Variants in NRXN3 observed in about 807,000 individuals in gnomAD.
The protein encoded by NRXN3 is neurexin III.
Under a neutral mutation model 137.6 loss-of-function variants are expected in NRXN3, and 32 were observed. The observed-to-expected ratio is 0.23, with a 90% confidence interval of 0.18 to 0.31. The LOEUF (loss-of-function observed/expected upper bound fraction) is 0.31. Among genes scored for constraint, NRXN3 ranks in the 10% least tolerant of loss-of-function variants. The pLI, the probability that NRXN3 is intolerant of heterozygous loss-of-function variation, is 1.00. For synonymous variants in NRXN3, 798 were observed against 784.5 expected, an observed-to-expected ratio of 1.02 and a Z score of -0.29; for missense variants, 1,574 against 2,062.5, an observed-to-expected ratio of 0.76 and a Z score of 4.59.
chr14:78,654,765 C>T (rs773562443), intron 6 of NRXN3, among the ~76,000 whole-genome samples: 1 of 152,128 alleles, frequency 6.6e-6, no homozygotes, highest in African/African-American at 2.4e-5. Context: ...CTTGTTGTAT[C>T]CCCAGCTCCT....
chr14:79,774,367 T>A (rs773510678), intron 19 of NRXN3, among the ~76,000 whole-genome samples: 1 of 152,208 alleles, frequency 6.6e-6, no homozygotes, highest in African/African-American at 2.4e-5. Flanking sequence ...TCCAGCACTC[T>A]GCCAGGCTTA....
intron 6 of NRXN3, among the ~76,000 whole-genome samples, chr14:78,699,052 G>A (rs568135705): frequency 1.3e-5 from 2 of 152,104 alleles, no homozygotes; most frequent in South Asian, 4.2e-4. Context: ...GGCATTGAGA[G>A]ATACAGAGAG....
chr14:79,612,129 A>G (rs1248870140), intron 16 of NRXN3, among the ~76,000 whole-genome samples: 1 of 152,232 alleles, frequency 6.6e-6, no homozygotes, highest in Admixed American at 6.5e-5. Flanking sequence ...GTCAATGCCT[A>G]GTAAATTATA....
intron 15 of NRXN3, among the ~76,000 whole-genome samples, chr14:79,012,990 G>A (rs1254847190): frequency 1.3e-5 from 2 of 152,180 alleles, no homozygotes. Flanking sequence ...CTAACTCTGA[G>A]TCCTGCATTC....
At chr14:78,263,875 G>C (rs1361207718) in intron 2 of NRXN3, among the ~76,000 whole-genome samples, 1 of 5,174 alleles carries the variant, frequency 1.9e-4, no homozygotes, top group East Asian at 0.014. Flanking sequence ...GTTCTATTTT[G>C]TGTGTGTGTG....
At chr14:78,622,743 A>T (rs991410397) in intron 4 of NRXN3, among the ~76,000 whole-genome samples, 1 of 152,248 alleles carries the variant, frequency 6.6e-6, no homozygotes, top group African/African-American at 2.4e-5. Flanking sequence ...ACACAAAACC[A>T]TTTGTTGGCA....
At chr14:79,094,944 G>C (rs1001735394) in intron 15 of NRXN3, among the ~76,000 whole-genome samples, 1 of 120,526 alleles carries the variant, frequency 8.3e-6, no homozygotes, top group Non-Finnish European at 1.6e-5. Context: ...TTCTGAGAGA[G>C]AGAAAGAGAG....
At chr14:78,602,422 C>G (rs2152438891) in intron 4 of NRXN3, 1 of 152,286 alleles carries the variant, frequency 6.6e-6, no homozygotes, top group African/African-American at 2.4e-5. Context: ...CTTTCTAGGG[C>G]ACCTGACGTC....
At chr14:78,498,921 T>TG (rs1309694985) in intron 4 of NRXN3, among the ~76,000 whole-genome samples, 3 of 152,164 alleles carry the variant, frequency 2.0e-5, no homozygotes, top group Non-Finnish European at 4.4e-5. Context: ...CCACTGTGGC[T>TG]GGTCAGCTCA....
intron 15 of NRXN3, chr14:79,280,154 G>A (rs759472237): frequency 1.2e-4 from 173 of 1,497,998 alleles, no homozygotes; most frequent in Non-Finnish European, 1.4e-4. Flanking sequence ...TGTTTGGAAA[G>A]CGCATATTGC....
intron 15 of NRXN3, among the ~76,000 whole-genome samples, chr14:79,392,572 C>A (rs923425183): frequency 1.3e-5 from 2 of 152,020 alleles, no homozygotes; most frequent in Non-Finnish European, 2.9e-5. Flanking sequence ...CGCCACACTG[C>A]CAACAAACAT....
At chr14:78,705,532 A>G (rs577153021) in intron 6 of NRXN3, among the ~76,000 whole-genome samples, 1 of 152,250 alleles carries the variant, frequency 6.6e-6, no homozygotes, top group African/African-American at 2.4e-5. Context: ...TCAGGACCCT[A>G]TCCATTTCCA....
In NRXN3 at chr14:79,861,292, G is replaced by GC; in HGVS notation, c.4094-45dup. Reference sequence around the variant, plus strand: ...CAGGGGAAACCTTTGACTCTAACCTGCCCCCTACTGATGATGAAGATTTTT... The same window carrying GC: ...CAGGGGAAACCTTTGACTCTAACCTGCCCCCCTACTGATGATGAAGATTTTT... On this transcript the variant is annotated intron_variant, in intron 20 of 20. Coordinates refer to ENST00000335750, the MANE Select transcript of NRXN3 (RefSeq NM_001330195.2). This position sits in a 1 kb window ranked among gnomAD's most constrained non-coding sequence, Gnocchi z 5.4. 6.5e-7 allele frequency: 1 copy of GC among 1,536,018 alleles called. No individual in the cohort carries two copies.
intron 10 of NRXN3, among the ~76,000 whole-genome samples, chr14:78,948,628 CTTTTTTTTTTTTT>C (rs201010514): frequency 1.8e-5 from 2 of 108,636 alleles, no homozygotes; most frequent in East Asian, 2.5e-4. Flanking sequence ...ACACATTTAA[CTTTTTTTTTTTTT>C]TTTTTTTTTT....
In NRXN3 at chr14:79,622,906, T is replaced by C. The variant is rs181259334; in HGVS notation, c.3445-40872T>C. ...CCACCGCACCCGGCCTATTACTTAG[T>C]TTATTATTATTTCATTATTATTGAG... On this transcript the variant is annotated intron_variant, in intron 16 of 20. Transcript: ENST00000335750. 5.1e-3 allele frequency among the ~76,000 whole-genome samples: 782 copies of C among 152,336 alleles called. 4 individuals carry two copies. Among genetic ancestry groups the C allele is most frequent in the African/African-American group, 0.018 (758 of 41,582 alleles).
chr14:78,391,628 A>G (rs1171155782), intron 4 of NRXN3, among the ~76,000 whole-genome samples: 1 of 152,184 alleles, frequency 6.6e-6, no homozygotes, highest in Admixed American at 6.6e-5. Context: ...GGATTGCTGT[A>G]ACTAGTCAGG....
intron 15 of NRXN3, among the ~76,000 whole-genome samples, chr14:79,286,703 G>A (rs1455778849): frequency 6.6e-6 from 1 of 151,902 alleles, no homozygotes; most frequent in Admixed American, 6.6e-5. Flanking sequence ...ATGGCATTCT[G>A]GTGGACAGTG....
At chr14:79,386,974 T>G (rs1401849077) in intron 15 of NRXN3, among the ~76,000 whole-genome samples, 1 of 152,162 alleles carries the variant, frequency 6.6e-6, no homozygotes. Context: ...AAGACTTAAA[T>G]GTTAGACCTA....
At chr14:79,062,267 C>T (rs934375088) in intron 15 of NRXN3, among the ~76,000 whole-genome samples, 3 of 152,056 alleles carry the variant, frequency 2.0e-5, no homozygotes, top group Non-Finnish European at 2.9e-5. Context: ...CAATTTCCCT[C>T]TCATGCTTGT....
Sources: gnomAD v4.1 joint callset for allele counts (sites outside exome capture counted in the v4.1 genomes callset) on GRCh38, gnomAD v4.1.1 for gene constraint, Gnocchi (gnomAD v3.1) non-coding constraint, MANE v1.5 for transcripts, NCBI Gene and HGNC (gene_info 2026-07-23, HGNC 2026-07-21) for gene names.